Variants in ANTXRL observed in about 807,000 individuals in gnomAD.
The protein encoded by ANTXRL is ANTXR like.
Under a neutral mutation model 75.4 loss-of-function variants are expected in ANTXRL, and 63 were observed. The ratio of observed to expected loss-of-function variants is 0.84; its 90% CI spans 0.68 to 1.03. The LOEUF is 1.03. ANTXRL is among the 50% of genes least tolerant of loss of function. The pLI is 0.00. For synonymous variants in ANTXRL, 335 were observed against 291.3 expected (o/e 1.15, Z -1.53); for missense variants, 797 against 789.4 (o/e 1.01, Z -0.12).
At chr10:46,308,419 C>T (rs1440665228) in intron 12 of ANTXRL, 1 of 354,328 alleles carries the variant, frequency 2.8e-6, no homozygotes, top group Non-Finnish European at 5.5e-6. Context: ...CCTCCCCTCC[C>T]CTCCCCTCCT....
At chr10:46,326,735 G>T (rs1170186569) in intron 16 of ANTXRL, among the ~76,000 whole-genome samples, 5 of 152,086 alleles carry the variant, frequency 3.3e-5, no homozygotes, top group Admixed American at 2.6e-4. Flanking sequence ...TGCACTCTGG[G>T]TCCAGTCGGC....
At position 46,329,893 on chromosome 10, in the gene ANTXRL, ACT is replaced by A. The variant is rs781869753; in HGVS notation, c.1708_1709del (p.Leu570ValfsTer28). 20 of 1,534,990 alleles carry A rather than the reference ACT, an allele frequency of 1.3e-5. 1 individual carries two copies. In the South Asian group the frequency reaches 2.0e-4, roughly 16 times the overall value. Reference protein sequence around the residue: ...HSPEYFSQAQTLCNPKSCLQP... With the variant: ...HSPEYFSQAQXLCNPKSCLQP... ...CCCGGAGTACTTTTCCCAAGCACAG[ACT>A]CTGTGCAACCCAAAGAGCTGCCTTC... is the stretch of plus-strand genomic sequence containing the variant. On this transcript the variant is annotated frameshift_variant, in exon 17 of 17. Coordinates refer to ENST00000620264, the MANE Select transcript of ANTXRL (RefSeq NM_001278688.3). LOFTEE classifies it high-confidence loss of function.
intron 8 of ANTXRL, 38 bp from the exon 9 acceptor site, chr10:46,297,964 C>G: frequency 6.5e-7 from 1 of 1,535,682 alleles, no homozygotes; most frequent in Non-Finnish European, 8.7e-7. Context: ...GCAGGAAGCT[C>G]ACTCTCCCTG....
chr10:46,302,013 C>T (rs192687331), intron 9 of ANTXRL, among the ~76,000 whole-genome samples: 53 of 152,304 alleles, frequency 3.5e-4, no homozygotes, highest in African/African-American at 1.2e-3. Context: ...GGTGGAAGGA[C>T]ACACTCCTTG....
At chr10:46,296,960 GC>G (rs1554958935) in intron 5 of ANTXRL, among the ~76,000 whole-genome samples, 1 of 152,164 alleles carries the variant, frequency 6.6e-6, no homozygotes, top group Non-Finnish European at 1.5e-5. Context: ...CAGAGGTGGT[GC>G]AGGTCGCTAG....
At chr10:46,298,385 G>A (rs1354699241) in intron 9 of ANTXRL, among the ~76,000 whole-genome samples, 1 of 151,814 alleles carries the variant, frequency 6.6e-6, no homozygotes, top group Non-Finnish European at 1.5e-5. Context: ...TATGTGCTGT[G>A]AGTGTGGTGT....
chr10:46,297,871 T>C lies in ANTXRL; in HGVS notation c.695T>C (p.Val232Ala). The C allele has an allele frequency of 1.3e-6, 2 of 1,535,812 alleles. No individual in the cohort carries two copies. The highest frequency in any genetic ancestry group is 1.7e-6 in the Non-Finnish European group (2 of 1,146,712). The part of the protein sequence containing the change: ...IADSPGHVFA[V>A]ENGFKALRST... ...GACAGCCCTGGCCACGTGTTTGCAGTGGAGAATGGCTTCAAGGCCCTGAGA... is the reference window on the plus strand; with the variant it reads ...GACAGCCCTGGCCACGTGTTTGCAGCGGAGAATGGCTTCAAGGCCCTGAGA... The change falls in exon 8 of 17, where the codon GTG becomes GCG. Residue 232 changes from valine to alanine, a missense_variant. Physicochemically the swap from Val to Ala is moderately conservative, Grantham distance 64. Transcript: ENST00000620264.
intron 1 of ANTXRL, among the ~76,000 whole-genome samples, chr10:46,288,830 A>G (rs1293097844): frequency 6.6e-6 from 1 of 152,106 alleles, no homozygotes; most frequent in African/African-American, 2.4e-5. Flanking sequence ...GACAGACTGG[A>G]TGAGGGGGAA....
Position 46,287,277 on chromosome 10 carries a change from G to T in ANTXRL, c.15G>T (p.Glu5Asp). MGSH[E>D]SLGPYFLVFL... ...ACAGCCAGATAATGGGGAGCCATGAGTCCCTGGGGCCCTACTTCCTGGTCT... is the reference window on the plus strand; with the variant it reads ...ACAGCCAGATAATGGGGAGCCATGATTCCCTGGGGCCCTACTTCCTGGTCT... Residue 5 changes from glutamate to aspartate, a missense_variant, in exon 1 of 17, where the codon GAG (glutamate) becomes GAT (aspartate). By Grantham distance (45) the Glu-to-Asp change is conservative (BLOSUM62 2). Transcript: ENST00000620264. 1.3e-6 allele frequency: 2 copies of T among 1,535,872 alleles called. No individual in the cohort carries two copies. The highest frequency in any genetic ancestry group is 8.7e-7 in the Non-Finnish European group (1 of 1,146,732).
intron 1 of ANTXRL, among the ~76,000 whole-genome samples, chr10:46,290,943 TAC>T (rs1426630939): frequency 6.6e-6 from 1 of 152,196 alleles, no homozygotes; most frequent in African/African-American, 2.4e-5. Context: ...TTAATCTGGA[TAC>T]AGTCTCAACT....
chr10:46,297,183 G>T (rs1554959006), intron 5 of ANTXRL, 69 bp from the exon 6 acceptor site: 8 of 1,309,928 alleles, frequency 6.1e-6, no homozygotes, highest in Admixed American at 4.0e-5. Context: ...CATCTGCAGG[G>T]GTTCCGGAGC....
intron 9 of ANTXRL, among the ~76,000 whole-genome samples, chr10:46,301,083 T>C (rs782453325): frequency 2.0e-5 from 3 of 151,794 alleles, no homozygotes; most frequent in Non-Finnish European, 4.4e-5. Flanking sequence ...TTTGCAATTA[T>C]CCTGTCCATG....
At chr10:46,317,760 C>T (rs1416504190) in intron 16 of ANTXRL, among the ~76,000 whole-genome samples, 1 of 152,094 alleles carries the variant, frequency 6.6e-6, no homozygotes, top group Non-Finnish European at 1.5e-5. Context: ...TCGGGAAATA[C>T]AAAGATTGAG....
In ANTXRL at chr10:46,318,950, G is replaced by A. The variant is rs141605459; in HGVS notation, c.1410+5634G>A. ...AAAACGACATAGAGAAAACGGAACTGAGGTACAGTAACAGCTGAATTGGCA... is the reference window on the plus strand; with the variant it reads ...AAAACGACATAGAGAAAACGGAACTAAGGTACAGTAACAGCTGAATTGGCA... On this transcript the variant is annotated intron_variant, in intron 16 of 16. Transcript: ENST00000620264. Among the ~76,000 whole-genome samples the A allele has an allele frequency of 5.8e-4, 88 of 152,174 alleles. No individual in the cohort carries two copies. In the East Asian group the frequency reaches 0.016, roughly 28 times the overall value.
At chr10:46,320,035 T>C (rs1272344662) in intron 16 of ANTXRL, among the ~76,000 whole-genome samples, 5 of 152,180 alleles carry the variant, frequency 3.3e-5, no homozygotes, top group Admixed American at 6.5e-5. Flanking sequence ...TTTTGGAGTA[T>C]GGCTTTTACT....
At chr10:46,317,115 G>T (rs782324313) in intron 16 of ANTXRL, among the ~76,000 whole-genome samples, 8 of 152,158 alleles carry the variant, frequency 5.3e-5, no homozygotes, top group Non-Finnish European at 1.2e-4. Context: ...TTAAAGGTGT[G>T]TATAGCTCAC....
intron 12 of ANTXRL, among the ~76,000 whole-genome samples, chr10:46,308,020 G>A (rs1182995627): frequency 6.6e-6 from 1 of 152,182 alleles, no homozygotes; most frequent in Non-Finnish European, 1.5e-5. Flanking sequence ...TGGAGATGCT[G>A]TGCCCCAGGT....
At chr10:46,305,694 T>G (rs543586577) in intron 10 of ANTXRL, among the ~76,000 whole-genome samples, 1 of 151,438 alleles carries the variant, frequency 6.6e-6, no homozygotes, top group African/African-American at 2.4e-5. Flanking sequence ...GGAGTGAGAA[T>G]GTTCCATGTC....
chr10:46,313,347 GA>G lies in ANTXRL; in HGVS notation c.1410+32del, dbSNP rs781783511. The G allele has an allele frequency of 1.4e-5, 22 of 1,528,442 alleles. No individual in the cohort carries two copies. In the South Asian group the frequency reaches 2.6e-4, roughly 18 times the overall value. The allele number at this position is 1,528,442 out of a possible 1,614,324, so 94.7% of individuals were successfully genotyped here. On this transcript the variant is annotated intron_variant, in intron 16 of 16. Transcript: ENST00000620264. The stretch of plus-strand genomic sequence containing the variant: ...CTAGGGCACAGGGACACAGTTGATG[GA>G]CAAAAGGCCACTGCTTTTCCCCTGA...
Sources: gnomAD v4.1 joint callset for allele counts (sites outside exome capture counted in the v4.1 genomes callset) on GRCh38, gnomAD v4.1.1 for gene constraint, MANE v1.5 for transcripts, NCBI Gene and HGNC (gene_info 2026-07-23, HGNC 2026-07-21) for gene names.